The following SLC4A10 variants were observed in gnomAD, a reference collection of about 807,000 sequenced individuals.
SLC4A10 encodes solute carrier family 4 member 10.
Under a neutral mutation model 137.7 loss-of-function variants are expected in SLC4A10, and 42 were observed. The observed-to-expected ratio is 0.30, with a 90% CI of 0.24 to 0.39. The LOEUF (loss-of-function observed/expected upper bound fraction) is 0.39. Ranked by LOEUF, SLC4A10 falls within the 10% of genes least tolerant of loss-of-function variation. The pLI, the probability that SLC4A10 is intolerant of heterozygous loss-of-function variation, is 1.00. For missense variants in SLC4A10, 925 were observed against 1,355.0 expected, an observed-to-expected ratio of 0.68 and a Z score of 4.98; for synonymous variants, 474 against 464.1, an observed-to-expected ratio of 1.02 and a Z score of -0.27.
intron 15 of SLC4A10, among the ~76,000 whole-genome samples, chr2:161,910,760 C>G (rs956834992): frequency 6.6e-6 from 1 of 151,864 alleles, no homozygotes; most frequent in African/African-American, 2.4e-5. Flanking sequence ...TTATCTAGCA[C>G]CCAGCCCTGT....
At chr2:161,903,798 G>T (rs1045154929) in intron 12 of SLC4A10, among the ~76,000 whole-genome samples, 24 of 152,124 alleles carry the variant, frequency 1.6e-4, no homozygotes, top group African/African-American at 5.8e-4. Flanking sequence ...TGGTTGACAC[G>T]ATATTGGGTT....
chr2:161,699,050 C>T (rs557344411), intron 1 of SLC4A10, among the ~76,000 whole-genome samples: 10 of 152,062 alleles, frequency 6.6e-5, no homozygotes, highest in South Asian at 2.1e-4. Context: ...GATGGAGTCT[C>T]GCTCTGTCGC....
intron 15 of SLC4A10, among the ~76,000 whole-genome samples, chr2:161,934,461 C>A (rs1488010097): frequency 2.0e-5 from 3 of 152,118 alleles, no homozygotes; most frequent in African/African-American, 7.2e-5. Flanking sequence ...AATATAACGA[C>A]CTTCACTTCT....
In SLC4A10 at chr2:161,624,425, T is replaced by C. The variant is rs2105356687; in HGVS notation, c.-94T>C. 6.5e-7 allele frequency: 1 copy of C among 1,542,482 alleles called. No homozygotes were observed. ...AATTGCCTCCTGCTTCAGAGCTACC[T>C]GATCCGAATACTAAGCAGAGCGAGT... On this transcript the variant is annotated 5_prime_UTR_variant, in exon 1 of 27. Transcript: ENST00000446997.
intron 1 of SLC4A10, among the ~76,000 whole-genome samples, chr2:161,755,147 A>G (rs2049466414): frequency 6.6e-6 from 1 of 152,196 alleles, no homozygotes. Flanking sequence ...TTTTTGCTAC[A>G]AGGAATTTCG....
chr2:161,689,804 G>A (rs1464761285), intron 1 of SLC4A10, among the ~76,000 whole-genome samples: 12 of 152,064 alleles, frequency 7.9e-5, no homozygotes, highest in Non-Finnish European at 1.3e-4. Flanking sequence ...GCAGGCTCTT[G>A]GCAAAATCAT....
At chr2:161,835,682 T>G (rs2058720321) in intron 3 of SLC4A10, among the ~76,000 whole-genome samples, 1 of 152,210 alleles carries the variant, frequency 6.6e-6, no homozygotes, top group South Asian at 2.1e-4. Context: ...CCTCAGTTCA[T>G]GGACTAACGT....
At chr2:161,765,288 A>C (rs974000234) in intron 1 of SLC4A10, among the ~76,000 whole-genome samples, 1 of 152,096 alleles carries the variant, frequency 6.6e-6, no homozygotes, top group Non-Finnish European at 1.5e-5. Context: ...TATATTACTT[A>C]CCGGAATTGA....
intron 8 of SLC4A10, among the ~76,000 whole-genome samples, chr2:161,875,458 T>C (rs1298515107): frequency 6.6e-6 from 1 of 152,202 alleles, no homozygotes; most frequent in Non-Finnish European, 1.5e-5. Flanking sequence ...TCCATCTACA[T>C]TCAACCTACA....
intron 2 of SLC4A10, among the ~76,000 whole-genome samples, chr2:161,792,358 A>G (rs947953971): frequency 2.6e-5 from 4 of 152,176 alleles, no homozygotes; most frequent in African/African-American, 9.6e-5. Flanking sequence ...TAATACTTTT[A>G]AGACAAACCA....
At chr2:161,641,261 A>G (rs554231881) in intron 1 of SLC4A10, among the ~76,000 whole-genome samples, 160 of 152,264 alleles carry the variant, frequency 1.1e-3, no homozygotes, top group Non-Finnish European at 1.9e-3. Context: ...ACTTTCATTT[A>G]TGTCATTTCT....
chr2:161,656,712 A>G (rs1047164828), intron 1 of SLC4A10, among the ~76,000 whole-genome samples: 6 of 152,144 alleles, frequency 3.9e-5, no homozygotes, highest in African/African-American at 1.4e-4. Context: ...AAATTTCTAC[A>G]TTGACTAGCA....
chr2:161,922,552 A>G (rs1372209649), intron 15 of SLC4A10, among the ~76,000 whole-genome samples: 1 of 152,142 alleles, frequency 6.6e-6, no homozygotes, highest in Non-Finnish European at 1.5e-5. Flanking sequence ...TAATGTAGCA[A>G]TAGGAAAATG....
At chr2:161,869,907 C>A (rs2061002831) in intron 6 of SLC4A10, among the ~76,000 whole-genome samples, 1 of 151,302 alleles carries the variant, frequency 6.6e-6, no homozygotes, top group South Asian at 2.1e-4. Flanking sequence ...TTTATATTAG[C>A]ATACATTCTA....
chr2:161,764,207 A>G (rs920314215), intron 1 of SLC4A10, among the ~76,000 whole-genome samples: 1 of 152,152 alleles, frequency 6.6e-6, no homozygotes, highest in African/African-American at 2.4e-5. Flanking sequence ...TACATACTGT[A>G]AAATAATTTC....
chr2:161,757,778 T>A (rs1436092253), intron 1 of SLC4A10, among the ~76,000 whole-genome samples: 1 of 152,168 alleles, frequency 6.6e-6, no homozygotes, highest in Non-Finnish European at 1.5e-5. Flanking sequence ...TACAAATTAG[T>A]TTTAGCTGTT....
chr2:161,703,196 G>A (rs1276071666), intron 1 of SLC4A10, among the ~76,000 whole-genome samples: 1 of 151,556 alleles, frequency 6.6e-6, no homozygotes, highest in African/African-American at 2.4e-5. Flanking sequence ...AGAAAATAGA[G>A]GATGTATGTA....
chr2:161,768,998 C>T (rs188661545), intron 1 of SLC4A10, among the ~76,000 whole-genome samples: 9 of 152,052 alleles, frequency 5.9e-5, no homozygotes, highest in South Asian at 4.2e-4. Flanking sequence ...CTGGTATGGG[C>T]GAGCAGGCCT....
chr2:161,702,528 G>C (rs933779134), intron 1 of SLC4A10, among the ~76,000 whole-genome samples: 1 of 151,704 alleles, frequency 6.6e-6, no homozygotes, highest in Non-Finnish European at 1.5e-5. Context: ...GTGGCTTTTT[G>C]GTCCTCCCAA....
Sources: gnomAD v4.1 joint callset for allele counts (sites outside exome capture counted in the v4.1 genomes callset) on GRCh38, gnomAD v4.1.1 for gene constraint, MANE v1.5 for transcripts, NCBI Gene and HGNC (gene_info 2026-07-23, HGNC 2026-07-21) for gene names.